Variants in CDC14A observed in about 807,000 individuals in gnomAD.
The protein encoded by CDC14A is cell division cycle 14A, also known as dual specificity protein phosphatase CDC14A.
CDC14A carries 53 observed loss-of-function variants against 74.4 expected under a neutral mutation model. The observed-to-expected ratio is 0.71, with a 90% CI of 0.57 to 0.89. The LOEUF (loss-of-function observed/expected upper bound fraction) is 0.89. Among genes scored for constraint, CDC14A ranks in the 40% least tolerant of loss-of-function variants. CDC14A has a pLI of 0.00. For missense variants in CDC14A, 646 were observed against 713.7 expected, an observed-to-expected ratio of 0.91 and a Z score of 1.08; for synonymous variants, 247 against 258.4, an observed-to-expected ratio of 0.96 and a Z score of 0.43.
chr1:100,457,518 G>T (rs1206472367), intron 8 of CDC14A, among the ~76,000 whole-genome samples: 1 of 152,050 alleles, frequency 6.6e-6, no homozygotes, highest in African/African-American at 2.4e-5. Flanking sequence ...GAGTGCAATG[G>T]TGTGATCATA....
intron 3 of CDC14A, among the ~76,000 whole-genome samples, chr1:100,381,315 A>G (rs1656061400): frequency 6.6e-6 from 1 of 152,180 alleles, no homozygotes; most frequent in South Asian, 2.1e-4. Context: ...AACTGCTCTA[A>G]TAACGTCTTA....
intron 4 of CDC14A, among the ~76,000 whole-genome samples, chr1:100,405,143 C>A (rs1054705955): frequency 2.6e-5 from 4 of 152,114 alleles, no homozygotes; most frequent in African/African-American, 9.7e-5. Flanking sequence ...TAAACCTTTC[C>A]TGATGTTTTC....
intron 4 of CDC14A, among the ~76,000 whole-genome samples, chr1:100,406,451 GC>G (rs1305837467): frequency 1.3e-5 from 2 of 152,024 alleles, no homozygotes; most frequent in South Asian, 2.1e-4. Context: ...TGAAGTCTTT[GC>G]CCCCTGCCTA....
chr1:100,501,625 T>C (rs536072847), intron 15 of CDC14A, among the ~76,000 whole-genome samples: 7 of 152,368 alleles, frequency 4.6e-5, no homozygotes, highest in African/African-American at 1.7e-4. Flanking sequence ...TACTGTACTT[T>C]ATATCGTTAT....
intron 3 of CDC14A, among the ~76,000 whole-genome samples, chr1:100,380,301 G>A (rs2100956781): frequency 6.6e-6 from 1 of 152,322 alleles, no homozygotes; most frequent in East Asian, 1.9e-4. Flanking sequence ...AGCAGGCAAA[G>A]TCAGGGCTAG....
At chr1:100,450,029 A>T (rs1388349147) in intron 7 of CDC14A, among the ~76,000 whole-genome samples, 10 of 151,774 alleles carry the variant, frequency 6.6e-5, no homozygotes, top group Admixed American at 6.6e-4. Context: ...TTTGTTTCTA[A>T]GTCAGTTATT....
chr1:100,377,588 C>T lies in CDC14A; in HGVS notation c.183C>T (p.Tyr61=). The T allele has an allele frequency of 6.2e-7, 1 of 1,613,304 alleles. No homozygotes were observed. Among genetic ancestry groups the T allele is most frequent in the Non-Finnish European group, 8.5e-7 (1 of 1,179,400 alleles). Residue 61 remains tyrosine (Y), a synonymous_variant, in exon 3 of 16, where the codon TAC becomes TAT. Transcript: ENST00000336454. ...DFGPLNLAMV[Y]RYCCKLNKKL... The stretch of plus-strand genomic sequence containing the variant: ...GACCGCTGAACTTGGCAATGGTGTA[C>T]AGATATTGCTGCAAACTAAACAAGA...
chr1:100,446,196 G>A (rs563038300), intron 7 of CDC14A, among the ~76,000 whole-genome samples: 1 of 152,278 alleles, frequency 6.6e-6, no homozygotes, highest in South Asian at 2.1e-4. Flanking sequence ...AGCCTTAGAT[G>A]ATTAGGGGAT....
At chr1:100,492,815 C>G (rs1670839226) in intron 11 of CDC14A, among the ~76,000 whole-genome samples, 1 of 151,304 alleles carries the variant, frequency 6.6e-6, no homozygotes, top group South Asian at 2.1e-4. Context: ...TCCCTTCTAA[C>G]TTGGACTGGT....
At chr1:100,375,337 G>C (rs1005063225) in intron 2 of CDC14A, among the ~76,000 whole-genome samples, 1 of 152,182 alleles carries the variant, frequency 6.6e-6, no homozygotes, top group African/African-American at 2.4e-5. Flanking sequence ...GTTGTGTAAG[G>C]CTTTGATTGC....
At chr1:100,377,703 A>G in intron 3 of CDC14A, 82 bp downstream of exon 3, 1 of 978,416 alleles carries the variant, frequency 1.0e-6, no homozygotes, top group East Asian at 2.5e-5. Context: ...GTGTGCACAA[A>G]ACATTTAGTC....
At chr1:100,393,422 A>G (rs1657983777) in intron 4 of CDC14A, 1 of 793,678 alleles carries the variant, frequency 1.3e-6, no homozygotes, top group Admixed American at 1.7e-5. Context: ...CATTTTTTTG[A>G]CCAGAGGAAG....
At chr1:100,380,556 A>G (rs1320339899) in intron 3 of CDC14A, among the ~76,000 whole-genome samples, 2 of 151,884 alleles carry the variant, frequency 1.3e-5, no homozygotes, top group Non-Finnish European at 2.9e-5. Flanking sequence ...TGCCTTTGTT[A>G]CTCACTTTGC....
chr1:100,495,967 G>A, intron 12 of CDC14A, 35 bp from the exon 13 acceptor site: 1 of 1,592,414 alleles, frequency 6.3e-7, no homozygotes, highest in Non-Finnish European at 8.6e-7. Context: ...CGTGTGCCCT[G>A]GTGATATGTG....
chr1:100,504,719 G>T (rs1557837014), intron 15 of CDC14A: 3 of 886,574 alleles, frequency 3.4e-6, no homozygotes, highest in East Asian at 5.3e-5. Flanking sequence ...GACTTTCTTT[G>T]TTGAGCTTTC....
rs778388599 is a variant in CDC14A, at chr1:100,484,317, G to A, written c.1003G>A (p.Gly335Arg). 3 of 1,592,442 alleles carry A rather than the reference G, an allele frequency of 1.9e-6. No individual in the cohort carries two copies. Among genetic ancestry groups the A allele is most frequent in the Non-Finnish European group, 2.6e-6 (3 of 1,170,316 alleles). Residue 335 changes from glycine to arginine, a missense_variant, in exon 11 of 16, where the codon GGA (glycine) becomes AGA (arginine). Transcript: ENST00000336454. Reference protein sequence around the residue: ...EEKQASLWVQGDIFRSKLKNR... With the variant: ...EEKQASLWVQRDIFRSKLKNR... ...AAAACAAGCATCGTTGTGGGTCCAA[G>A]GAGACATTTTCCGATCCAAACTGAA...
chr1:100,445,827 T>A (rs990827155), intron 7 of CDC14A, among the ~76,000 whole-genome samples: 1 of 152,228 alleles, frequency 6.6e-6, no homozygotes, highest in Non-Finnish European at 1.5e-5. Context: ...CTTGATGTTG[T>A]CAAACAACTT....
chr1:100,458,289 G>A (rs1181451976), intron 8 of CDC14A, among the ~76,000 whole-genome samples: 1 of 152,094 alleles, frequency 6.6e-6, no homozygotes. Flanking sequence ...TTATTATAGA[G>A]GATGTACATG....
At chr1:100,432,687 A>G (rs1349177487) in intron 5 of CDC14A, among the ~76,000 whole-genome samples, 1 of 152,234 alleles carries the variant, frequency 6.6e-6, no homozygotes, top group Non-Finnish European at 1.5e-5. Context: ...AGAATATTCT[A>G]GATATATTGG....
Sources: allele counts gnomAD v4.1 joint callset (sites outside exome capture counted in the v4.1 genomes callset), GRCh38; gene constraint gnomAD v4.1.1; transcripts MANE v1.5; gene names NCBI Gene and HGNC (gene_info 2026-07-23, HGNC 2026-07-21).